The following RDH10 variants were observed in gnomAD, a reference collection of about 807,000 sequenced individuals.
The protein encoded by RDH10 is retinol dehydrogenase 10 (all-trans).
RDH10 carries 12 observed loss-of-function variants against 30.2 expected under a neutral mutation model. That is an observed-to-expected ratio of 0.40 (90% CI 0.25 to 0.64). The LOEUF (loss-of-function observed/expected upper bound fraction) is 0.64, where lower values mean the gene tolerates loss of function less well. Among genes scored for constraint, RDH10 ranks in the 30% least tolerant of loss-of-function variants. The probability of loss-of-function intolerance (pLI) is 0.43; values close to 1 mark genes in which losing one functional copy is unlikely to be tolerated. For synonymous variants in RDH10, 189 were observed against 172.2 expected, an observed-to-expected ratio of 1.10 and a Z score of -0.76; for missense variants, 268 against 445.2, an observed-to-expected ratio of 0.60 and a Z score of 3.58.
At chr8:73,319,618 G>C (rs1377544720) in intron 3 of RDH10, among the ~76,000 whole-genome samples, 1 of 152,248 alleles carries the variant, frequency 6.6e-6, no homozygotes, top group Non-Finnish European at 1.5e-5. Context: ...AAGAAAAGTA[G>C]ATGGGCCAGC....
chr8:73,301,749 C>T (rs1051395648), intron 2 of RDH10, among the ~76,000 whole-genome samples: 1 of 152,116 alleles, frequency 6.6e-6, no homozygotes, highest in Non-Finnish European at 1.5e-5. Context: ...GAACAATACT[C>T]CATCTCAAGA....
intron 2 of RDH10, among the ~76,000 whole-genome samples, chr8:73,302,546 G>A (rs1248359125): frequency 2.6e-5 from 4 of 152,110 alleles, no homozygotes; most frequent in African/African-American, 7.2e-5. Flanking sequence ...TTAGCTGGGC[G>A]TGGTGGCACG....
At chr8:73,296,421 T>C (rs967271627) in intron 1 of RDH10, among the ~76,000 whole-genome samples, 2 of 152,246 alleles carry the variant, frequency 1.3e-5, no homozygotes, top group African/African-American at 2.4e-5. Context: ...ATCAAACTTA[T>C]TGATACCTGC....
At chr8:73,318,119 T>C (rs1290430193) in intron 2 of RDH10, among the ~76,000 whole-genome samples, 1 of 152,038 alleles carries the variant, frequency 6.6e-6, no homozygotes, top group Admixed American at 6.6e-5. Flanking sequence ...AACTCAGCAG[T>C]AGACAGATTG....
chr8:73,310,690 T>A (rs917080207), intron 2 of RDH10, among the ~76,000 whole-genome samples: 1 of 152,228 alleles, frequency 6.6e-6, no homozygotes, highest in Non-Finnish European at 1.5e-5. Flanking sequence ...GGCTGCAATT[T>A]TGTGGGTTAT....
chr8:73,302,688 A>C (rs370214489), intron 2 of RDH10, among the ~76,000 whole-genome samples: 5 of 152,196 alleles, frequency 3.3e-5, no homozygotes, highest in Non-Finnish European at 7.3e-5. Context: ...TCTGTCTCAA[A>C]AAAAGGAAAA....
chr8:73,301,866 A>G (rs1303285448), intron 2 of RDH10, among the ~76,000 whole-genome samples: 4 of 152,206 alleles, frequency 2.6e-5, no homozygotes, highest in East Asian at 3.8e-4. Flanking sequence ...GCTTTCCTAC[A>G]TAACTTTCCA....
chr8:73,316,879 C>CA (rs1814679459), intron 2 of RDH10, among the ~76,000 whole-genome samples: 1 of 152,148 alleles, frequency 6.6e-6, no homozygotes, highest in Non-Finnish European at 1.5e-5. Context: ...ATCACTAGAG[C>CA]AGCACCAGGA....
intron 1 of RDH10, 55 bp downstream of exon 1, chr8:73,295,633 C>A: frequency 7.0e-7 from 1 of 1,418,994 alleles, no homozygotes; most frequent in Non-Finnish European, 9.2e-7. Flanking sequence ...CCACCCCGCG[C>A]CCTACCACGG....
intron 2 of RDH10, among the ~76,000 whole-genome samples, chr8:73,309,204 A>C (rs147953267): frequency 2.6e-5 from 4 of 152,150 alleles, no homozygotes; most frequent in Non-Finnish European, 5.9e-5. Flanking sequence ...ATTCAGGTCC[A>C]GTGTCTGAAT....
At position 73,304,333 on chromosome 8, in the gene RDH10, C is replaced by T. The variant is rs75752276; in HGVS notation, c.525+6904C>T. On this transcript the variant is annotated intron_variant, in intron 2 of 5. Transcript: ENST00000240285. ...AAATCCTGACTATTTGCTTGTGCCC[C>T]TGTGCTTTGATTGATCGCCCCTTTC... Among the ~76,000 whole-genome samples the T allele has an allele frequency of 9.8e-5, 15 of 152,348 alleles. No homozygotes were observed. In the East Asian group the frequency reaches 2.3e-3, roughly 23 times the overall value.
intron 2 of RDH10, among the ~76,000 whole-genome samples, chr8:73,314,611 A>T (rs1814627690): frequency 6.6e-6 from 1 of 152,192 alleles, no homozygotes; most frequent in African/African-American, 2.4e-5. Flanking sequence ...CCTTTGCCCG[A>T]CACAGAGCAG....
At chr8:73,301,271 C>T (rs1412281357) in intron 2 of RDH10, among the ~76,000 whole-genome samples, 62 of 149,442 alleles carry the variant, frequency 4.1e-4, no homozygotes, top group Non-Finnish European at 8.2e-4. Context: ...AGGATGGTCT[C>T]GATCTCCTGA....
At position 73,294,724 on chromosome 8, in the gene RDH10, T is replaced by G; in HGVS notation, c.-566T>G. The G allele has an allele frequency of 2.7e-6, 1 of 368,624 alleles. No homozygotes were observed. Among genetic ancestry groups the G allele is most frequent in the Admixed American group, 4.6e-5 (1 of 21,714 alleles). 22.8% of individuals were successfully genotyped at this position (368,624 alleles called of 1,614,324 possible). A position where few individuals can be genotyped will look rare whatever the true frequency, so the allele number is the denominator to read the frequency against. On this transcript the variant is annotated 5_prime_UTR_variant, in exon 1 of 6. Coordinates refer to ENST00000240285, the MANE Select transcript of RDH10 (RefSeq NM_172037.5). ...GCCCTCGGGGGCAGCTGCAAGGCGT[T>G]GGGCAGCGCTTGCCTGCGCCGAGCG... is the stretch of plus-strand genomic sequence containing the variant.
chr8:73,316,294 A>G (rs1012515299), intron 2 of RDH10, among the ~76,000 whole-genome samples: 1 of 152,196 alleles, frequency 6.6e-6, no homozygotes, highest in South Asian at 2.1e-4. Context: ...CTTGGGGATT[A>G]CAAGTGTGAG....
intron 2 of RDH10, among the ~76,000 whole-genome samples, chr8:73,306,608 C>G (rs1814466494): frequency 6.6e-6 from 1 of 152,214 alleles, no homozygotes; most frequent in Non-Finnish European, 1.5e-5. Flanking sequence ...AAATTAGCCC[C>G]TTACAATGAC....
chr8:73,308,171 A>G (rs1174868914), intron 2 of RDH10, among the ~76,000 whole-genome samples: 1 of 152,238 alleles, frequency 6.6e-6, no homozygotes, highest in Admixed American at 6.5e-5. Flanking sequence ...ACAAAGTTCT[A>G]TGAATAATTG....
intron 2 of RDH10, chr8:73,310,893 G>A (rs1251463801): frequency 2.0e-5 from 3 of 152,174 alleles, no homozygotes; most frequent in African/African-American, 7.2e-5. Context: ...GAAGAAGGAT[G>A]ATTGTTTCAA....
chr8:73,319,476 G>A (rs985095222), intron 3 of RDH10, among the ~76,000 whole-genome samples: 3 of 152,218 alleles, frequency 2.0e-5, no homozygotes, highest in Admixed American at 6.5e-5. Context: ...AGTGAGCTAT[G>A]GTGGCACCAC....
Sources: gnomAD v4.1 joint callset for allele counts (sites outside exome capture counted in the v4.1 genomes callset) on GRCh38, gnomAD v4.1.1 for gene constraint, MANE v1.5 for transcripts, NCBI Gene and HGNC (gene_info 2026-07-23, HGNC 2026-07-21) for gene names.